FER: variants seen among roughly 807,000 people sequenced by gnomAD.
FER encodes FER tyrosine kinase.
A neutral mutation model predicts 111.0 loss-of-function variants in FER; 63 were observed. That is an observed-to-expected ratio of 0.57 (90% CI 0.46 to 0.70). The LOEUF is 0.70. Ranked by LOEUF, FER falls within the 30% of genes least tolerant of loss-of-function variation. FER has a pLI of 0.00. For synonymous variants in FER, 327 were observed against 313.9 expected, an observed-to-expected ratio of 1.04 and a Z score of -0.44; for missense variants, 914 against 954.0, an observed-to-expected ratio of 0.96 and a Z score of 0.55.
intron 17 of FER, among the ~76,000 whole-genome samples, chr5:109,125,701 A>G (rs529572737): frequency 6.6e-6 from 1 of 152,334 alleles, no homozygotes; most frequent in East Asian, 1.9e-4. Context: ...TGTTAAGGTA[A>G]CAGAACTGGA....
At chr5:109,053,692 T>TC (rs1773182917) in intron 16 of FER, among the ~76,000 whole-genome samples, 1 of 56,682 alleles carries the variant, frequency 1.8e-5, no homozygotes, top group East Asian at 2.4e-4. Context: ...TGGAGTTCTA[T>TC]TTTTTTTTTT....
intron 2 of FER, among the ~76,000 whole-genome samples, chr5:108,774,901 A>G (rs1753323698): frequency 6.6e-6 from 1 of 152,002 alleles, no homozygotes; most frequent in South Asian, 2.1e-4. Flanking sequence ...GTTTAATTAG[A>G]TCCCATGTGT....
rs144607883 is a variant in FER at position 109,077,318 on chromosome 5, T to G, written c.1925-23078T>G. 7.8e-3 allele frequency among the ~76,000 whole-genome samples: 1,192 copies of G among 152,290 alleles called. 13 individuals are homozygous for G. The highest frequency in any genetic ancestry group is 0.028 in the African/African-American group (1,154 of 41,558). Reference sequence around the variant, plus strand: ...TAGATTTTTACATCAATCTTGATTTTTACCTTATTATATGAATTAACTGCT... The same window carrying G: ...TAGATTTTTACATCAATCTTGATTTGTACCTTATTATATGAATTAACTGCT... On this transcript the variant is annotated intron_variant, in intron 16 of 19. Coordinates refer to ENST00000281092, the MANE Select transcript of FER (RefSeq NM_005246.4).
In FER at chr5:109,176,379, C is replaced by T. The variant is rs142448572; in HGVS notation, c.2049-4368C>T. Among the ~76,000 whole-genome samples the T allele has an allele frequency of 3.3e-5, 5 of 151,952 alleles. No individual in the cohort carries two copies. In the East Asian group the frequency reaches 9.7e-4, roughly 29 times the overall value. On this transcript the variant is annotated intron_variant, in intron 17 of 19. Coordinates refer to ENST00000281092, the MANE Select transcript of FER (RefSeq NM_005246.4). ...ATTATGTTAAGCAAAATAAGTAAGG[C>T]AGAGAAAGATAAATACTGCGTGTTC...
At chr5:109,171,940 T>C (rs1267685441) in intron 17 of FER, among the ~76,000 whole-genome samples, 1 of 152,146 alleles carries the variant, frequency 6.6e-6, no homozygotes, top group Non-Finnish European at 1.5e-5. Context: ...TGAGATACCA[T>C]CTCACACCAG....
chr5:108,810,287 C>G (rs1286762225), intron 3 of FER, among the ~76,000 whole-genome samples: 1 of 152,186 alleles, frequency 6.6e-6, no homozygotes, highest in African/African-American at 2.4e-5. Context: ...GTGGCTAACA[C>G]AGCTGGGTGT....
intron 3 of FER, among the ~76,000 whole-genome samples, chr5:108,804,433 G>A (rs58773536): frequency 0.021 from 3,257 of 152,196 alleles, 112 homozygotes; most frequent in African/African-American, 0.075. Context: ...AATAGCTCAA[G>A]CATTTGCCGT....
At chr5:108,758,512 T>A (rs530883852) in intron 1 of FER, among the ~76,000 whole-genome samples, 1 of 152,182 alleles carries the variant, frequency 6.6e-6, no homozygotes, top group African/African-American at 2.4e-5. Flanking sequence ...TAGACCCTCA[T>A]GTAGGCCTTC....
intron 3 of FER, among the ~76,000 whole-genome samples, chr5:108,806,801 T>G (rs1438201682): frequency 6.6e-6 from 1 of 152,180 alleles, no homozygotes; most frequent in East Asian, 1.9e-4. Flanking sequence ...TTGCTTTTGA[T>G]TTTACAAGTT....
chr5:108,950,340 C>T (rs1158827345), intron 11 of FER, among the ~76,000 whole-genome samples: 3 of 151,956 alleles, frequency 2.0e-5, no homozygotes, highest in African/African-American at 7.3e-5. Context: ...TTCAAATTCT[C>T]AAATATTGTA....
At position 109,188,458 on chromosome 5, in the gene FER, T is replaced by C. The variant is rs1042107798; in HGVS notation, c.*883T>C. On this transcript the variant is annotated 3_prime_UTR_variant, in exon 20 of 20. Coordinates refer to ENST00000281092, the MANE Select transcript of FER (RefSeq NM_005246.4). ...AAGTTAGAGTTGAGGCAGTTGCTTT[T>C]CAAGGATGTACAGAGAGCTGTGAAG... The C allele has an allele frequency of 6.7e-6, 1 of 149,622 alleles. No individual in the cohort carries two copies. The highest frequency in any genetic ancestry group is 2.0e-4 in the East Asian group (1 of 5,088). The allele number at this position is 149,622 out of a possible 1,614,324, so 9.3% of individuals were successfully genotyped here. A position where few individuals can be genotyped will look rare whatever the true frequency, so the allele number is the denominator to read the frequency against.
intron 2 of FER, among the ~76,000 whole-genome samples, chr5:108,792,402 G>A (rs184566805): frequency 2.6e-5 from 4 of 152,240 alleles, no homozygotes; most frequent in East Asian, 1.9e-4. Context: ...TGCAGTGGGC[G>A]TGATTTTGAC....
At chr5:108,933,625 C>A (rs1013363953) in intron 10 of FER, among the ~76,000 whole-genome samples, 1 of 151,944 alleles carries the variant, frequency 6.6e-6, no homozygotes, top group Non-Finnish European at 1.5e-5. Flanking sequence ...TTTTCTAATT[C>A]TATGAAGAAA....
intron 17 of FER, among the ~76,000 whole-genome samples, chr5:109,159,805 C>T (rs1039364029): frequency 6.6e-6 from 1 of 152,194 alleles, no homozygotes; most frequent in Admixed American, 6.5e-5. Context: ...TCGCAGCCCA[C>T]CCTCCCCAGG....
At chr5:108,877,970 A>G (rs910830683) in intron 8 of FER, among the ~76,000 whole-genome samples, 1 of 152,016 alleles carries the variant, frequency 6.6e-6, no homozygotes, top group Non-Finnish European at 1.5e-5. Context: ...CAGTGGCGCA[A>G]TCTCTGCTCA....
At chr5:108,956,325 T>A (rs1217546944) in intron 12 of FER, among the ~76,000 whole-genome samples, 1 of 151,746 alleles carries the variant, frequency 6.6e-6, no homozygotes, top group East Asian at 1.9e-4. Context: ...TATAAACTCG[T>A]TAACCACAAC....
At chr5:108,770,120 G>A (rs895004310) in intron 2 of FER, among the ~76,000 whole-genome samples, 8 of 152,040 alleles carry the variant, frequency 5.3e-5, no homozygotes, top group East Asian at 1.9e-4. Context: ...GGCTAATTTC[G>A]TATTTTTAGT....
chr5:109,080,143 G>T (rs979780790), intron 16 of FER, among the ~76,000 whole-genome samples: 2 of 152,046 alleles, frequency 1.3e-5, no homozygotes, highest in African/African-American at 4.8e-5. Context: ...AAACTTATAT[G>T]CATGTCATAA....
At chr5:109,082,400 G>T (rs1427982626) in intron 16 of FER, among the ~76,000 whole-genome samples, 1 of 151,874 alleles carries the variant, frequency 6.6e-6, no homozygotes, top group African/African-American at 2.4e-5. Flanking sequence ...CTCTATACCT[G>T]GAAAACTGCT....
Sources: gnomAD v4.1 joint callset for allele counts (sites outside exome capture counted in the v4.1 genomes callset) on GRCh38, gnomAD v4.1.1 for gene constraint, MANE v1.5 for transcripts, NCBI Gene and HGNC (gene_info 2026-07-23, HGNC 2026-07-21) for gene names.